SH3KBP1: variants seen among roughly 807,000 people sequenced by gnomAD.
SH3KBP1 encodes SH3 domain-containing kinase-binding protein 1.
SH3KBP1 carries 8 observed loss-of-function variants against 50.1 expected under a neutral mutation model. That is an observed-to-expected ratio of 0.16 (90% CI 0.09 to 0.29). SH3KBP1 has a LOEUF of 0.29. Among genes scored for constraint, SH3KBP1 ranks in the 10% least tolerant of loss-of-function variants. The pLI is 1.00. For synonymous variants in SH3KBP1, 227 were observed against 218.6 expected (o/e 1.04, Z -0.34); for missense variants, 377 against 535.2 (o/e 0.70, Z 2.92).
chrX:19,566,564 T>C (rs1315594982), intron 13 of SH3KBP1, among the ~76,000 whole-genome samples: 1 of 111,631 alleles, frequency 9.0e-6, no homozygotes, highest in East Asian at 2.8e-4. Context: ...CCACCCTGGC[T>C]TAAAACAGGG....
chrX:19,743,278 G>A (rs1041871636), intron 3 of SH3KBP1, among the ~76,000 whole-genome samples: 1 of 110,021 alleles, frequency 9.1e-6, no homozygotes, highest in Admixed American at 9.7e-5. Flanking sequence ...GTGGTAGCTC[G>A]TACCTTGTAG....
intron 2 of SH3KBP1, among the ~76,000 whole-genome samples, chrX:19,835,109 T>C (rs1287076316): frequency 9.0e-6 from 1 of 111,220 alleles, no homozygotes; most frequent in African/African-American, 3.3e-5. Flanking sequence ...TCTATATTCA[T>C]TCATTCGTTC....
chrX:19,775,167 C>T (rs1394179291), intron 2 of SH3KBP1, among the ~76,000 whole-genome samples: 2 of 111,486 alleles, frequency 1.8e-5, no homozygotes, highest in South Asian at 3.7e-4. Context: ...CAGGTCTTCA[C>T]GAGTACACAA....
intron 1 of SH3KBP1, 138 bp from the exon 2 acceptor site, chrX:19,836,420 A>G: frequency 3.6e-6 from 2 of 555,099 alleles, no homozygotes; most frequent in Non-Finnish European, 5.7e-6. Context: ...GGCCACACAC[A>G]GTAACCCAAT....
At chrX:19,842,189 G>C (rs1204775254) in intron 1 of SH3KBP1, among the ~76,000 whole-genome samples, 1 of 112,000 alleles carries the variant, frequency 8.9e-6, no homozygotes, top group African/African-American at 3.2e-5. Flanking sequence ...GTATTAAACT[G>C]TACACTTAAA....
intron 9 of SH3KBP1, among the ~76,000 whole-genome samples, chrX:19,600,397 A>T (rs1176722505): frequency 1.8e-5 from 2 of 111,843 alleles, no homozygotes; most frequent in Non-Finnish European, 3.8e-5. Context: ...AAAAAAAAAA[A>T]TGAAACAAAT....
At chrX:19,565,479 C>T (rs2065818343) in intron 13 of SH3KBP1, among the ~76,000 whole-genome samples, 1 of 111,362 alleles carries the variant, frequency 9.0e-6, no homozygotes, top group South Asian at 3.7e-4. Flanking sequence ...GGGCTATGGA[C>T]GGTGAGAAAA....
intron 3 of SH3KBP1, among the ~76,000 whole-genome samples, chrX:19,711,576 A>C (rs886078552): frequency 1.0e-3 from 111 of 109,765 alleles, no homozygotes; most frequent in African/African-American, 3.6e-3. Context: ...AACACTTATA[A>C]AGCTTCCCAC....
chrX:19,602,189 C>T (rs2067112357), intron 9 of SH3KBP1, among the ~76,000 whole-genome samples: 1 of 110,905 alleles, frequency 9.0e-6, no homozygotes, highest in East Asian at 2.8e-4. Flanking sequence ...CCAGCTTCCC[C>T]CTGCCCCTCC....
intron 3 of SH3KBP1, among the ~76,000 whole-genome samples, chrX:19,725,404 G>A (rs1458173306): frequency 9.0e-6 from 1 of 110,872 alleles, no homozygotes; most frequent in Non-Finnish European, 1.9e-5. Flanking sequence ...CCTGGAGGTG[G>A]AGGCTGCAGT....
intron 1 of SH3KBP1, among the ~76,000 whole-genome samples, chrX:19,862,354 T>C (rs754761637): frequency 1.8e-5 from 2 of 112,419 alleles, no homozygotes; most frequent in Non-Finnish European, 3.8e-5. Context: ...TTGATATGGA[T>C]AGTCTGCCGC....
chrX:19,720,195 G>T (rs1297989888), intron 3 of SH3KBP1, among the ~76,000 whole-genome samples: 1 of 110,514 alleles, frequency 9.0e-6, no homozygotes, highest in Non-Finnish European at 1.9e-5. Context: ...GTCTCTAAAC[G>T]TCCCTCTGCT....
intron 15 of SH3KBP1, among the ~76,000 whole-genome samples, chrX:19,543,768 G>A (rs1234078143): frequency 5.4e-5 from 6 of 111,233 alleles, no homozygotes; most frequent in Non-Finnish European, 7.6e-5. Context: ...GGAGACTGGC[G>A]GGGGAGGCCT....
intron 6 of SH3KBP1, among the ~76,000 whole-genome samples, chrX:19,664,274 T>C (rs2148497460): frequency 8.9e-6 from 1 of 111,880 alleles, no homozygotes; most frequent in South Asian, 3.7e-4. Flanking sequence ...CACTGCCTTA[T>C]ATCATCATGC....
intron 8 of SH3KBP1, among the ~76,000 whole-genome samples, chrX:19,619,147 G>A (rs1312447599): frequency 9.0e-6 from 1 of 110,810 alleles, no homozygotes; most frequent in Non-Finnish European, 1.9e-5. Flanking sequence ...GTGGTAGCGG[G>A]CACCTGTAAT....
chrX:19,658,222 T>C (rs1039056419), intron 6 of SH3KBP1, among the ~76,000 whole-genome samples: 3 of 112,072 alleles, frequency 2.7e-5, no homozygotes, highest in Non-Finnish European at 5.6e-5. Context: ...AGTCAGTATC[T>C]AATGAGGTGA....
intron 2 of SH3KBP1, among the ~76,000 whole-genome samples, chrX:19,751,656 A>G (rs1392719297): frequency 8.9e-6 from 1 of 111,773 alleles, no homozygotes; most frequent in African/African-American, 3.3e-5. Flanking sequence ...TAAGGTATCA[A>G]TGCTGCAAAG....
intron 2 of SH3KBP1, among the ~76,000 whole-genome samples, chrX:19,801,779 C>A (rs766524428): frequency 8.9e-6 from 1 of 112,146 alleles, no homozygotes; most frequent in South Asian, 3.7e-4. Flanking sequence ...AAAGCTGTTT[C>A]TAAAACCTTG....
At chrX:19,708,226 G>A (rs1243492968) in intron 3 of SH3KBP1, among the ~76,000 whole-genome samples, 2 of 112,274 alleles carry the variant, frequency 1.8e-5, no homozygotes, top group South Asian at 7.3e-4. Context: ...TTCAAAAGCC[G>A]GCAGCCTAGT....
Sources: allele counts gnomAD v4.1 joint callset (sites outside exome capture counted in the v4.1 genomes callset), GRCh38; gene constraint gnomAD v4.1.1; transcripts MANE v1.5; gene names NCBI Gene and HGNC (gene_info 2026-07-23, HGNC 2026-07-21).